VAV2: variants seen among roughly 807,000 people sequenced by gnomAD.
VAV2 encodes guanine nucleotide exchange factor VAV2.
VAV2 carries 67 observed loss-of-function variants against 132.5 expected under a neutral mutation model. That is an observed-to-expected ratio of 0.51 (90% CI 0.42 to 0.62). The LOEUF (loss-of-function observed/expected upper bound fraction) is 0.62. VAV2 is among the 20% of genes least tolerant of loss of function. The pLI is 0.00. For synonymous variants in VAV2, 492 were observed against 443.5 expected (o/e 1.11, Z -1.37); for missense variants, 938 against 1,153.6 (o/e 0.81, Z 2.71).
intron 2 of VAV2, among the ~76,000 whole-genome samples, chr9:133,907,793 T>C (rs929037218): frequency 3.3e-5 from 5 of 152,228 alleles, no homozygotes; most frequent in African/African-American, 1.2e-4. Flanking sequence ...TGCCAGTCAT[T>C]GGCAGTCCAA....
chr9:133,910,357 A>C (rs943368113), intron 2 of VAV2, among the ~76,000 whole-genome samples: 37 of 152,086 alleles, frequency 2.4e-4, no homozygotes, highest in Admixed American at 1.3e-4. Context: ...AGCCTACTCT[A>C]ACTGGCGCAA....
Position 133,833,260 on chromosome 9 carries a change from C to G in VAV2, c.449+1012G>C, listed in dbSNP as rs1251642023. On this transcript the variant is annotated intron_variant, in intron 4 of 29. Transcript: ENST00000371850. The surrounding 1 kb of genome is among the most constrained non-coding windows in gnomAD (Gnocchi z 5.6). ...TTTCCTGGGCCCTGCAAGCTAAAGG[C>G]AGCCCTGGATGTGGGCTGAGCAGTA... Among the ~76,000 whole-genome samples, 1 of 152,186 alleles carries G rather than the reference C, an allele frequency of 6.6e-6. No homozygotes were observed. Among genetic ancestry groups the G allele is most frequent in the Non-Finnish European group, 1.5e-5 (1 of 68,034 alleles).
Position 133,984,485 on chromosome 9 carries a change from C to T in VAV2, c.204+7590G>A, listed in dbSNP as rs144355794. Among the ~76,000 whole-genome samples, 278 of 152,234 alleles carry T rather than the reference C, an allele frequency of 1.8e-3. 1 individual carries two copies. The highest frequency in any genetic ancestry group is 6.4e-3 in the African/African-American group (264 of 41,544). On this transcript the variant is annotated intron_variant, in intron 1 of 29. Coordinates refer to ENST00000371850, the MANE Select transcript of VAV2 (RefSeq NM_001134398.2). ...AACATTAGCTGGGCGCGGTGGCACA[C>T]ACCTGTAGTCCCAGCTACTTGGGAG...
intron 9 of VAV2, among the ~76,000 whole-genome samples, chr9:133,805,804 T>C (rs1835113670): frequency 6.6e-6 from 1 of 152,190 alleles, no homozygotes; most frequent in South Asian, 2.1e-4. Context: ...GCCGAGCCAC[T>C]TGGATGGCCA....
intron 9 of VAV2, among the ~76,000 whole-genome samples, chr9:133,803,767 C>A (rs1354875150): frequency 6.6e-6 from 1 of 152,234 alleles, no homozygotes; most frequent in Non-Finnish European, 1.5e-5. Flanking sequence ...CCTTCAGCAG[C>A]TTCCTCGTGC....
At chr9:133,798,420 C>T (rs1397964005) in intron 9 of VAV2, among the ~76,000 whole-genome samples, 1 of 152,180 alleles carries the variant, frequency 6.6e-6, no homozygotes, top group Non-Finnish European at 1.5e-5. Flanking sequence ...TCGTGTCCTG[C>T]CCACCGCCTC....
At chr9:133,899,484 C>A (rs1839353990) in intron 2 of VAV2, among the ~76,000 whole-genome samples, 1 of 151,990 alleles carries the variant, frequency 6.6e-6, no homozygotes, top group East Asian at 2.0e-4. Flanking sequence ...TCTGAGCTCA[C>A]CGCAATCTCT....
chr9:133,973,176 T>A (rs770330926), intron 1 of VAV2, among the ~76,000 whole-genome samples: 5 of 152,036 alleles, frequency 3.3e-5, no homozygotes, highest in Admixed American at 6.5e-5. Flanking sequence ...AGCCCCCCTG[T>A]CTGCACACAG....
rs558738761 is a variant in VAV2 at position 133,763,914 on chromosome 9, G to C, written c.*148C>G. The stretch of plus-strand genomic sequence containing the variant: ...TGACAGTGAAACGGTTCGAGTTTAG[G>C]ATTCTCAACACCCTCCCTATCCCTG... On this transcript the variant is annotated 3_prime_UTR_variant, in exon 30 of 30. Coordinates refer to ENST00000371850, the MANE Select transcript of VAV2 (RefSeq NM_001134398.2). This position sits in a 1 kb window ranked among gnomAD's most constrained non-coding sequence, Gnocchi z 6.8. 168 of 950,408 alleles carry C rather than the reference G, an allele frequency of 1.8e-4. No homozygotes were observed. In the Middle Eastern group the frequency reaches 2.5e-3, roughly 14 times the overall value. The allele number at this position is 950,408 out of a possible 1,614,324, so 58.9% of individuals were successfully genotyped here. A position where few individuals can be genotyped will look rare whatever the true frequency, so the allele number is the denominator to read the frequency against.
At chr9:133,974,965 A>T (rs983892549) in intron 1 of VAV2, among the ~76,000 whole-genome samples, 1 of 152,190 alleles carries the variant, frequency 6.6e-6, no homozygotes, top group Non-Finnish European at 1.5e-5. Context: ...ACCCTCCTGC[A>T]GGGCCTTCCA....
chr9:133,769,292 G>A lies in VAV2; in HGVS notation c.2434+125C>T. The A allele has an allele frequency of 9.5e-7, 1 of 1,052,718 alleles. No homozygotes were observed. The highest frequency in any genetic ancestry group is 1.7e-5 in the South Asian group (1 of 60,274). The allele number at this position is 1,052,718 out of a possible 1,614,324, so 65.2% of individuals were successfully genotyped here. On this transcript the variant is annotated intron_variant, in intron 28 of 29. Transcript: ENST00000371850. The surrounding 1 kb of genome is among the most constrained non-coding windows in gnomAD (Gnocchi z 8.1). Reference sequence around the variant, plus strand: ...AGCCCCTTTCTCCCCTCCACCCAGTGCCAGACTGCGGACAACTGTGGCCAC... The same window carrying A: ...AGCCCCTTTCTCCCCTCCACCCAGTACCAGACTGCGGACAACTGTGGCCAC...
Position 133,840,343 on chromosome 9 carries a change from G to C in VAV2, c.381-6003C>G, listed in dbSNP as rs1324614818. ...TGAGTGCAGAGAAATCCCCAGCAGA[G>C]CCCGCGTTGGGCAGCAGCCCCTCCT... is the stretch of plus-strand genomic sequence containing the variant. On this transcript the variant is annotated intron_variant, in intron 3 of 29. Coordinates refer to ENST00000371850, the MANE Select transcript of VAV2 (RefSeq NM_001134398.2). The surrounding 1 kb of genome is among the most constrained non-coding windows in gnomAD (Gnocchi z 4.5). 1.3e-5 allele frequency among the ~76,000 whole-genome samples: 2 copies of C among 152,104 alleles called. No homozygotes were observed. The highest frequency in any genetic ancestry group is 4.8e-5 in the African/African-American group (2 of 41,412).
chr9:133,982,992 G>A (rs548207581), intron 1 of VAV2, among the ~76,000 whole-genome samples: 3 of 152,316 alleles, frequency 2.0e-5, no homozygotes, highest in African/African-American at 7.2e-5. Context: ...ATCCAGGCCT[G>A]CGCTGGAACA....
intron 2 of VAV2, among the ~76,000 whole-genome samples, chr9:133,916,498 G>C (rs1204402374): frequency 6.6e-6 from 1 of 152,188 alleles, no homozygotes. Flanking sequence ...ACCCTGGGAA[G>C]TGCTGGGACT....
At chr9:133,897,592 C>T (rs1240526802) in intron 2 of VAV2, among the ~76,000 whole-genome samples, 1 of 152,148 alleles carries the variant, frequency 6.6e-6, no homozygotes, top group Admixed American at 6.5e-5. Flanking sequence ...GAGAGCTCTG[C>T]TGTCTCCCCA....
At chr9:133,915,585 C>T (rs933869017) in intron 2 of VAV2, among the ~76,000 whole-genome samples, 1 of 14,130 alleles carries the variant, frequency 7.1e-5, no homozygotes, top group African/African-American at 7.7e-5. Flanking sequence ...AAAGACAAGG[C>T]GCACACACAC....
intron 4 of VAV2, among the ~76,000 whole-genome samples, chr9:133,819,438 G>A: frequency 6.8e-6 from 1 of 147,030 alleles, no homozygotes; most frequent in African/African-American, 2.6e-5. Context: ...GACAGAGCGA[G>A]GCTCCGTCTC....
At chr9:133,909,998 C>G (rs368718783) in intron 2 of VAV2, among the ~76,000 whole-genome samples, 105 of 150,896 alleles carry the variant, frequency 7.0e-4, no homozygotes, top group African/African-American at 2.3e-3. Context: ...GACAGCCCCC[C>G]ACGAGCCACA....
intron 1 of VAV2, among the ~76,000 whole-genome samples, chr9:133,983,499 C>T (rs1318397801): frequency 6.6e-6 from 1 of 152,140 alleles, no homozygotes; most frequent in Non-Finnish European, 1.5e-5. Context: ...GCCAGGGCCC[C>T]GACCCATCTC....
Sources: allele counts gnomAD v4.1 joint callset (sites outside exome capture counted in the v4.1 genomes callset), GRCh38; gene constraint gnomAD v4.1.1; non-coding constraint Gnocchi (gnomAD v3.1); transcripts MANE v1.5; gene names NCBI Gene and HGNC (gene_info 2026-07-23, HGNC 2026-07-21).